The following ENTHD1 variants were observed in gnomAD, a reference collection of about 807,000 sequenced individuals.
The protein encoded by ENTHD1 is ENTH domain containing 1, also known as ENTH domain-containing protein 1.
Under a neutral mutation model 39.1 loss-of-function variants are expected in ENTHD1, and 23 were observed. The observed-to-expected ratio is 0.59, with a 90% CI of 0.42 to 0.83. The LOEUF (loss-of-function observed/expected upper bound fraction) is 0.83, where lower values mean the gene tolerates loss of function less well. Ranked by LOEUF, ENTHD1 falls within the 40% of genes least tolerant of loss-of-function variation. The probability of loss-of-function intolerance (pLI) is 0.00; values close to 1 mark genes in which losing one functional copy is unlikely to be tolerated. For missense variants in ENTHD1, 624 were observed against 705.4 expected, an observed-to-expected ratio of 0.88 and a Z score of 1.31; for synonymous variants, 230 against 258.2, an observed-to-expected ratio of 0.89 and a Z score of 1.05.
At chr22:39,891,420 T>C (rs1190500336) in intron 1 of ENTHD1, among the ~76,000 whole-genome samples, 1 of 152,088 alleles carries the variant, frequency 6.6e-6, no homozygotes, top group Non-Finnish European at 1.5e-5. Context: ...AATGATTGAA[T>C]GATTCTGCCT....
Position 39,867,448 on chromosome 22 carries a change from C to G in ENTHD1, c.350-5441G>C, listed in dbSNP as rs573043823. Among the ~76,000 whole-genome samples the G allele has an allele frequency of 2.8e-4, 42 of 152,204 alleles. No homozygotes were observed. Among genetic ancestry groups the G allele is most frequent in the African/African-American group, 1.0e-3 (42 of 41,550 alleles). On this transcript the variant is annotated intron_variant, in intron 2 of 6. Coordinates refer to ENST00000325157, the MANE Select transcript of ENTHD1 (RefSeq NM_152512.4). This position sits in a 1 kb window ranked among gnomAD's most constrained non-coding sequence, Gnocchi z 4.5. ...ATTCCTTTCTCGGTGACTTTTATCT[C>G]TACTCTAAGTTAGAAATATGAACAT...
intron 2 of ENTHD1, among the ~76,000 whole-genome samples, chr22:39,878,201 C>T (rs2066307048): frequency 1.3e-5 from 2 of 152,110 alleles, no homozygotes; most frequent in Admixed American, 6.5e-5. Context: ...CTGGACACAG[C>T]TGAGGAAAGA....
At chr22:39,825,908 C>T (rs986255406) in intron 4 of ENTHD1, among the ~76,000 whole-genome samples, 1 of 152,216 alleles carries the variant, frequency 6.6e-6, no homozygotes, top group Non-Finnish European at 1.5e-5. Context: ...GTCTCACTCA[C>T]TCTGTAGCCC....
chr22:39,889,455 G>A (rs1161327993), intron 1 of ENTHD1, among the ~76,000 whole-genome samples: 1 of 152,166 alleles, frequency 6.6e-6, no homozygotes, highest in East Asian at 1.9e-4. Context: ...CACCACTGCT[G>A]GCTGCCAAGA....
At chr22:39,823,008 T>C (rs1399927063) in intron 4 of ENTHD1, among the ~76,000 whole-genome samples, 2 of 152,226 alleles carry the variant, frequency 1.3e-5, no homozygotes, top group African/African-American at 4.8e-5. Flanking sequence ...ACAAGAATCC[T>C]TTCTGATGCC....
chr22:39,887,631 T>C lies in ENTHD1; in HGVS notation c.118A>G (p.Ile40Val). Residue 40 changes from isoleucine to valine, a missense_variant, in exon 2 of 7, where the codon ATC becomes GTC. Ile to Val is a conservative substitution (Grantham distance 29). Coordinates refer to ENST00000325157, the MANE Select transcript of ENTHD1 (RefSeq NM_152512.4). Reference protein sequence around the residue: ...WGPSSSLMLDISDLTFNTISL... With the variant: ...WGPSSSLMLDVSDLTFNTISL... ...ATTGTGTTGAAAGTCAAGTCACTGA[T>C]ATCTAACATCAGAGAACTAGAGGGA... 1 of 1,614,212 alleles carries C rather than the reference T, an allele frequency of 6.2e-7. No homozygotes were observed. Among genetic ancestry groups the C allele is most frequent in the East Asian group, 2.2e-5 (1 of 44,890 alleles).
intron 5 of ENTHD1, among the ~76,000 whole-genome samples, chr22:39,813,471 G>A (rs1283049503): frequency 6.6e-6 from 1 of 152,106 alleles, no homozygotes; most frequent in Non-Finnish European, 1.5e-5. Flanking sequence ...TTAATATCTG[G>A]AAATCAACTA....
intron 2 of ENTHD1, among the ~76,000 whole-genome samples, chr22:39,869,952 T>A (rs955241292): frequency 7.3e-5 from 11 of 151,688 alleles, no homozygotes; most frequent in African/African-American, 2.4e-4. Flanking sequence ...CTAGAACAGC[T>A]GAAGATAGAT....
chr22:39,798,768 G>A (rs2065573240), intron 5 of ENTHD1, among the ~76,000 whole-genome samples: 1 of 152,192 alleles, frequency 6.6e-6, no homozygotes, highest in Admixed American at 6.5e-5. Flanking sequence ...TGAGCTGGAT[G>A]GGTGGGCAAG....
intron 3 of ENTHD1, among the ~76,000 whole-genome samples, chr22:39,848,198 C>G: frequency 6.6e-6 from 1 of 152,142 alleles, no homozygotes; most frequent in Non-Finnish European, 1.5e-5. Context: ...ATCTTTCTGA[C>G]TCCCTCTTCG....
At chr22:39,818,612 T>C in intron 5 of ENTHD1, among the ~76,000 whole-genome samples, 1 of 152,134 alleles carries the variant, frequency 6.6e-6, no homozygotes, top group Middle Eastern at 3.2e-3. Flanking sequence ...ATTAGACTTA[T>C]CCTATTGCCA....
At chr22:39,840,759 C>CTTT (rs112194949) in intron 3 of ENTHD1, among the ~76,000 whole-genome samples, 1 of 146,364 alleles carries the variant, frequency 6.8e-6, no homozygotes. Flanking sequence ...AGTTAAGCAT[C>CTTT]TTTTTTTTTT....
intron 6 of ENTHD1, among the ~76,000 whole-genome samples, chr22:39,751,721 T>A (rs1354607248): frequency 6.6e-6 from 1 of 152,196 alleles, no homozygotes; most frequent in Non-Finnish European, 1.5e-5. Flanking sequence ...ACAGTCATAG[T>A]TTGAATCACA....
chr22:39,768,500 CAAAT>C (rs1158186429), intron 5 of ENTHD1, among the ~76,000 whole-genome samples: 2 of 152,158 alleles, frequency 1.3e-5, no homozygotes, highest in African/African-American at 4.8e-5. Flanking sequence ...TACTATTCCT[CAAAT>C]AACTACTACT....
Position 39,849,595 on chromosome 22 carries a change from A to T in ENTHD1, c.592+12170T>A, listed in dbSNP as rs142703301. Among the ~76,000 whole-genome samples the T allele has an allele frequency of 4.6e-5, 7 of 152,322 alleles. No individual in the cohort carries two copies. In the East Asian group the frequency reaches 1.3e-3, roughly 29 times the overall value. Reference sequence around the variant, plus strand: ...TAATGTATTTCAATTAAACATTATAACCTACAGTGTACAGATTTTGTACTT... The same window carrying T: ...TAATGTATTTCAATTAAACATTATATCCTACAGTGTACAGATTTTGTACTT... On this transcript the variant is annotated intron_variant, in intron 3 of 6. Coordinates refer to ENST00000325157, the MANE Select transcript of ENTHD1 (RefSeq NM_152512.4).
At chr22:39,746,103 C>T (rs545491591) in intron 6 of ENTHD1, among the ~76,000 whole-genome samples, 8 of 152,290 alleles carry the variant, frequency 5.3e-5, no homozygotes, top group African/African-American at 1.9e-4. Flanking sequence ...ATTTTCTCCT[C>T]TGTGTTTTCT....
intron 3 of ENTHD1, among the ~76,000 whole-genome samples, chr22:39,853,826 T>C (rs2066063489): frequency 6.6e-6 from 1 of 152,188 alleles, no homozygotes; most frequent in Admixed American, 6.5e-5. Context: ...CTGCCTGCCT[T>C]GGCCTCCCAA....
intron 6 of ENTHD1, among the ~76,000 whole-genome samples, chr22:39,757,933 A>G (rs1479680640): frequency 6.6e-6 from 1 of 152,074 alleles, no homozygotes; most frequent in Non-Finnish European, 1.5e-5. Context: ...CTTGTGAAAA[A>G]GGTGCCTGTT....
intron 1 of ENTHD1, among the ~76,000 whole-genome samples, chr22:39,888,474 C>T (rs1044767836): frequency 2.0e-5 from 3 of 151,728 alleles, no homozygotes; most frequent in Non-Finnish European, 4.4e-5. Context: ...GTTGCCCAGG[C>T]TGGAGTGCAG....
Sources: allele counts gnomAD v4.1 joint callset (sites outside exome capture counted in the v4.1 genomes callset), GRCh38; gene constraint gnomAD v4.1.1; non-coding constraint Gnocchi (gnomAD v3.1); transcripts MANE v1.5; gene names NCBI Gene and HGNC (gene_info 2026-07-23, HGNC 2026-07-21).